Variants in KCND2 observed in about 807,000 individuals in gnomAD.
KCND2 encodes the protein potassium voltage-gated channel subfamily D member 2.
Under a neutral mutation model 54.4 loss-of-function variants are expected in KCND2, and 16 were observed. That is an observed-to-expected ratio of 0.29 (90% CI 0.20 to 0.45). The LOEUF (loss-of-function observed/expected upper bound fraction) is 0.45, where lower values mean the gene tolerates loss of function less well. Ranked by LOEUF, KCND2 falls within the 20% of genes least tolerant of loss-of-function variation. The probability of loss-of-function intolerance (pLI) is 1.00; values close to 1 mark genes in which losing one functional copy is unlikely to be tolerated. For missense variants in KCND2, 486 were observed against 824.2 expected, an observed-to-expected ratio of 0.59 and a Z score of 5.02; for synonymous variants, 317 against 310.7, an observed-to-expected ratio of 1.02 and a Z score of -0.21.
intron 1 of KCND2, among the ~76,000 whole-genome samples, chr7:120,302,446 G>A (rs1167710608): frequency 6.6e-6 from 1 of 151,962 alleles, no homozygotes; most frequent in East Asian, 1.9e-4. Context: ...ATTTTTTGAC[G>A]GGGACGGGGA....
intron 1 of KCND2, among the ~76,000 whole-genome samples, chr7:120,555,554 T>C (rs17142823): frequency 0.021 from 3,242 of 152,320 alleles, 130 homozygotes; most frequent in African/African-American, 0.074. Flanking sequence ...AAATTCAGCA[T>C]AGTGAGTTCT....
rs148852055 is a variant in KCND2, at chr7:120,310,037, C to G, written c.1115+34290C>G. On this transcript the variant is annotated intron_variant, in intron 1 of 5. Coordinates refer to ENST00000331113, the MANE Select transcript of KCND2 (RefSeq NM_012281.3). ...TCTTTGATTCCTTTCCTGACTCCCT[C>G]AAGAGGGAACACTGAGTACTTTACT... Among the ~76,000 whole-genome samples, 529 of 152,258 alleles carry G rather than the reference C, an allele frequency of 3.5e-3. 1 individual carries two copies. Among genetic ancestry groups the G allele is most frequent in the African/African-American group, 0.012 (486 of 41,552 alleles).
chr7:120,366,354 G>T (rs539656100), intron 1 of KCND2, among the ~76,000 whole-genome samples: 2 of 151,800 alleles, frequency 1.3e-5, no homozygotes, highest in Admixed American at 1.3e-4. Context: ...ACGTGGTGGC[G>T]CATGCCTGTA....
intron 1 of KCND2, among the ~76,000 whole-genome samples, chr7:120,478,032 A>T (rs1156603053): frequency 6.6e-6 from 1 of 152,144 alleles, no homozygotes; most frequent in Non-Finnish European, 1.5e-5. Flanking sequence ...TGTAATAAAG[A>T]TAATAATAAT....
In KCND2 at chr7:120,361,884, C is replaced by G. The variant is rs149419008; in HGVS notation, c.1115+86137C>G. 8.4e-3 allele frequency among the ~76,000 whole-genome samples: 1,279 copies of G among 152,152 alleles called. 13 individuals carry two copies. Among genetic ancestry groups the G allele is most frequent in the African/African-American group, 0.029 (1,206 of 41,536 alleles). On this transcript the variant is annotated intron_variant, in intron 1 of 5. Coordinates refer to ENST00000331113, the MANE Select transcript of KCND2 (RefSeq NM_012281.3). ...TAAAGAAGTCCAGGCTATTTCTGTA[C>G]TGTCAGAACTGAATAGAAGGATTTA... is the stretch of plus-strand genomic sequence containing the variant.
intron 1 of KCND2, among the ~76,000 whole-genome samples, chr7:120,698,973 C>G (rs978002649): frequency 1.3e-5 from 2 of 152,118 alleles, no homozygotes; most frequent in African/African-American, 4.8e-5. Flanking sequence ...TGATTAAAGT[C>G]TAGCACATGA....
At chr7:120,339,183 G>A (rs1315469438) in intron 1 of KCND2, among the ~76,000 whole-genome samples, 1 of 151,672 alleles carries the variant, frequency 6.6e-6, no homozygotes, top group Non-Finnish European at 1.5e-5. Context: ...GAGCCACAGC[G>A]CCCGGCCCCT....
At chr7:120,634,195 C>G (rs796874536) in intron 1 of KCND2, among the ~76,000 whole-genome samples, 36 of 152,214 alleles carry the variant, frequency 2.4e-4, no homozygotes, top group African/African-American at 8.2e-4. Context: ...ACTCTTTGAG[C>G]CTTAGCTGCT....
chr7:120,488,892 G>A (rs1292022439), intron 1 of KCND2, among the ~76,000 whole-genome samples: 1 of 151,888 alleles, frequency 6.6e-6, no homozygotes, highest in Non-Finnish European at 1.5e-5. Context: ...CTAGACTTTT[G>A]AAAAAATAAA....
At chr7:120,398,162 TACAC>T (rs145122173) in intron 1 of KCND2, among the ~76,000 whole-genome samples, 1,606 of 147,364 alleles carry the variant, frequency 0.011, 21 homozygotes, top group African/African-American at 0.032. Context: ...TATACATATA[TACAC>T]ACACACACAC....
chr7:120,342,063 CAT>C (rs555355658), intron 1 of KCND2, among the ~76,000 whole-genome samples: 164 of 152,194 alleles, frequency 1.1e-3, no homozygotes, highest in Non-Finnish European at 1.9e-3. Context: ...CTATTTGACT[CAT>C]GTGTTGATAT....
chr7:120,283,373 G>A (rs1799293793), intron 1 of KCND2, among the ~76,000 whole-genome samples: 1 of 152,132 alleles, frequency 6.6e-6, no homozygotes, highest in Non-Finnish European at 1.5e-5. Flanking sequence ...GATAGGATAT[G>A]ATTTCTGTGT....
At chr7:120,409,527 T>C (rs1321610487) in intron 1 of KCND2, among the ~76,000 whole-genome samples, 2 of 151,864 alleles carry the variant, frequency 1.3e-5, no homozygotes, top group African/African-American at 2.4e-5. Flanking sequence ...TGTATGAGAG[T>C]CTAGTTGCTG....
chr7:120,464,102 C>T (rs778014498), intron 1 of KCND2: 108 of 980,714 alleles, frequency 1.1e-4, no homozygotes, highest in Non-Finnish European at 1.3e-4. Flanking sequence ...CACAGGATTG[C>T]CTGGTTTCCC....
chr7:120,330,337 T>G (rs1249745312), intron 1 of KCND2, among the ~76,000 whole-genome samples: 2 of 152,096 alleles, frequency 1.3e-5, no homozygotes, highest in Non-Finnish European at 2.9e-5. Flanking sequence ...CCCAGCACTT[T>G]GGGAGGCTGA....
At chr7:120,311,341 A>T (rs1417279750) in intron 1 of KCND2, among the ~76,000 whole-genome samples, 1 of 152,226 alleles carries the variant, frequency 6.6e-6, no homozygotes, top group Non-Finnish European at 1.5e-5. Context: ...AAAATCAGAA[A>T]AGAAGAATAG....
intron 1 of KCND2, among the ~76,000 whole-genome samples, chr7:120,307,178 G>A (rs1345943006): frequency 2.0e-5 from 3 of 151,202 alleles, no homozygotes; most frequent in Non-Finnish European, 4.4e-5. Flanking sequence ...CTATCTAATA[G>A]ACACAAACCC....
chr7:120,472,852 G>A (rs1332032812), intron 1 of KCND2, among the ~76,000 whole-genome samples: 4 of 152,232 alleles, frequency 2.6e-5, no homozygotes, highest in Non-Finnish European at 5.9e-5. Flanking sequence ...AGCCATGGAC[G>A]TGGAAATAAG....
chr7:120,485,413 G>A (rs1436324492), intron 1 of KCND2, among the ~76,000 whole-genome samples: 1 of 152,114 alleles, frequency 6.6e-6, no homozygotes, highest in East Asian at 1.9e-4. Context: ...TTGACTCCAT[G>A]GTAACATATC....
Sources: allele counts gnomAD v4.1 joint callset (sites outside exome capture counted in the v4.1 genomes callset), GRCh38; gene constraint gnomAD v4.1.1; transcripts MANE v1.5; gene names NCBI Gene and HGNC (gene_info 2026-07-23, HGNC 2026-07-21).